The following ZNF737 variants were observed in gnomAD, a reference collection of about 807,000 sequenced individuals.
ZNF737 encodes the protein zinc finger protein 737.
ZNF737 carries 13 observed loss-of-function variants against 11.7 expected under a neutral mutation model. The ratio of observed to expected loss-of-function variants is 1.11; its 90% confidence interval spans 0.73 to 1.77. ZNF737 has a LOEUF of 1.77. ZNF737 is among the 40% of genes most tolerant of loss of function. ZNF737 has a pLI of 0.00. For missense variants in ZNF737, 636 were observed against 638.0 expected (o/e 1.00, Z 0.03); for synonymous variants, 217 against 216.2 (o/e 1.00, Z -0.03).
chr19:20,552,402 G>A (rs1968712368), intron 3 of ZNF737, 73 bp downstream of exon 3: 1 of 1,064,988 alleles, frequency 9.4e-7, no homozygotes. Context: ...CACACTTTAA[G>A]GACTGGCTTT....
chr19:20,539,586 A>G lies in ZNF737; in HGVS notation c.*5006T>C, dbSNP rs2144581810. The G allele has an allele frequency of 1.0e-6, 1 of 978,036 alleles. No homozygotes were observed. The highest frequency in any genetic ancestry group is 4.7e-5 in the South Asian group (1 of 21,106). 60.6% of individuals were successfully genotyped at this position (978,036 alleles called of 1,614,324 possible). ...TCTAAAAGAAACTATCTACATAACT[A>G]ATCATGGATTCAAAAAATATTCATA... is the stretch of plus-strand genomic sequence containing the variant. On this transcript the variant is annotated 3_prime_UTR_variant, in exon 4 of 4. Transcript: ENST00000427401.
intron 1 of ZNF737, among the ~76,000 whole-genome samples, chr19:20,556,580 G>C (rs1185556134): frequency 6.6e-6 from 1 of 152,134 alleles, no homozygotes; most frequent in Non-Finnish European, 1.5e-5. Flanking sequence ...TGCTGATGTT[G>C]CTCCCCATTG....
Position 20,553,690 on chromosome 19 carries a change from G to T in ZNF737, c.130+19C>A, listed in dbSNP as rs782500625. 6.2e-7 allele frequency: 1 copy of T among 1,608,116 alleles called. No homozygotes were observed. The highest frequency in any genetic ancestry group is 8.5e-7 in the Non-Finnish European group (1 of 1,175,602). Reference sequence around the variant, plus strand: ...GTCTTTTGTGTATATTATGAATTATGTATTAAAGTTTTTCTCACCAAGGAA... The same window carrying T: ...GTCTTTTGTGTATATTATGAATTATTTATTAAAGTTTTTCTCACCAAGGAA... On this transcript the variant is annotated intron_variant, in intron 2 of 3. Transcript: ENST00000427401.
At chr19:20,536,971 C>G (rs1347747262), downstream of ZNF737, among the ~76,000 whole-genome samples, 1 of 151,386 alleles carries the variant, frequency 6.6e-6, no homozygotes, top group Non-Finnish European at 1.5e-5. Flanking sequence ...GGCGTGGTGG[C>G]GGGTGCCTGT....
downstream of ZNF737, among the ~76,000 whole-genome samples, chr19:20,533,374 G>A (rs782027931): frequency 6.7e-6 from 1 of 149,524 alleles, no homozygotes; most frequent in African/African-American, 2.5e-5. Context: ...TATTCTGTAT[G>A]AATATATATA....
chr19:20,545,617 T>C lies in ZNF737; in HGVS notation c.586A>G (p.Thr196Ala). 1 of 1,614,056 alleles carries C rather than the reference T, an allele frequency of 6.2e-7. No homozygotes were observed. The change falls in exon 4 of 4, where the codon ACT becomes GCT. Residue 196 changes from threonine to alanine, a missense_variant. By Grantham distance (58) the Thr-to-Ala change is moderately conservative. Coordinates refer to ENST00000427401, the MANE Select transcript of ZNF737 (RefSeq NM_001159293.2). ...STLTTHKKIH[T>A]GEKPFKCEEC... ...TCACATTTGAAGGGTTTCTCCCCAG[T>C]ATGAATTTTCTTATGTGTAGTAAGG...
Position 20,542,610 on chromosome 19 carries a change from A to G in ZNF737, c.*1982T>C. On this transcript the variant is annotated 3_prime_UTR_variant, in exon 4 of 4. Coordinates refer to ENST00000427401, the MANE Select transcript of ZNF737 (RefSeq NM_001159293.2). ...GTAATATACTCATTTATTTTAATAT[A>G]CTTTTAATTATTTCTTTGTGTCACT... is the stretch of plus-strand genomic sequence containing the variant. The G allele has an allele frequency of 2.1e-6, 2 of 971,200 alleles. No homozygotes were observed. The highest frequency in any genetic ancestry group is 2.4e-6 in the Non-Finnish European group (2 of 817,036). The allele number at this position is 971,200 out of a possible 1,614,324, so 60.2% of individuals were successfully genotyped here.
At chr19:20,548,980 A>AAAAAAAAAAAAAAAAAAAC (rs1491170549) in intron 3 of ZNF737, among the ~76,000 whole-genome samples, 1 of 66,500 alleles carries the variant, frequency 1.5e-5, no homozygotes, top group Non-Finnish European at 3.0e-5. Context: ...AAAAAAAAAA[A>AAAAAAAAAAAAAAAAAAAC]CAATTATGTA....
chr19:20,533,158 G>C (rs1568418759), downstream of ZNF737, among the ~76,000 whole-genome samples: 2 of 150,258 alleles, frequency 1.3e-5, 1 homozygote, highest in South Asian at 4.3e-4. Context: ...GCCTTAGTAA[G>C]TATTCATCTT....
At chr19:20,562,905 T>A (rs1969152527) in intron 1 of ZNF737, among the ~76,000 whole-genome samples, 1 of 151,978 alleles carries the variant, frequency 6.6e-6, no homozygotes, top group Non-Finnish European at 1.5e-5. Flanking sequence ...AGACATCCTC[T>A]GATCTAAAAT....
intron 1 of ZNF737, among the ~76,000 whole-genome samples, chr19:20,556,985 C>G (rs1783925073): frequency 1.3e-5 from 2 of 152,288 alleles, no homozygotes; most frequent in South Asian, 4.1e-4. Context: ...TTCTGTTTCT[C>G]TCTCATCAAT....
At chr19:20,555,437 C>T (rs367855014) in intron 1 of ZNF737, among the ~76,000 whole-genome samples, 6 of 152,134 alleles carry the variant, frequency 3.9e-5, no homozygotes, top group African/African-American at 1.4e-4. Context: ...CCGCTTCAGC[C>T]TCCCAAAGTG....
In ZNF737 at chr19:20,544,361, A is replaced by ACATT. The variant is rs781869699; in HGVS notation, c.*230_*231insAATG. 18 of 1,369,222 alleles carry ACATT rather than the reference A, an allele frequency of 1.3e-5. No individual in the cohort carries two copies. The highest frequency in any genetic ancestry group is 1.7e-5 in the Non-Finnish European group (18 of 1,065,194). The allele number at this position is 1,369,222 out of a possible 1,614,324, so 84.8% of individuals were successfully genotyped here. ...CAAACTCACAGGGTTTCTCTCCAGT[A>ACATT]CGAATTATCTTATGTCTAGTAAGGG... On this transcript the variant is annotated 3_prime_UTR_variant, in exon 4 of 4. Coordinates refer to ENST00000427401, the MANE Select transcript of ZNF737 (RefSeq NM_001159293.2).
At position 20,563,083 on chromosome 19, in the gene ZNF737, T is replaced by C. The variant is rs534359189; in HGVS notation, c.3+2555A>G. Among the ~76,000 whole-genome samples the C allele has an allele frequency of 1.0e-4, 15 of 150,516 alleles. No homozygotes were observed. In the East Asian group the frequency reaches 2.9e-3, roughly 30 times the overall value. ...GCAATTTTTTTTGGAATTCATTTTT[T>C]TAACATAAATTAATATTTTTTATTT... On this transcript the variant is annotated intron_variant, in intron 1 of 3. Transcript: ENST00000427401.
intron 3 of ZNF737, 88 bp downstream of exon 3, chr19:20,552,387 C>A: frequency 1.1e-6 from 1 of 919,790 alleles, no homozygotes; most frequent in Non-Finnish European, 1.6e-6. Flanking sequence ...CACAGCTTCC[C>A]AAATCACACT....
Position 20,540,884 on chromosome 19 carries a change from A to AT in ZNF737, c.*3707dup. ...AATAACTATTTTTCTGGCTTAAATTATTTTTTATGCACCATTTATACATTC... is the reference window on the plus strand; with the variant it reads ...AATAACTATTTTTCTGGCTTAAATTATTTTTTTATGCACCATTTATACATTC... On this transcript the variant is annotated 3_prime_UTR_variant, in exon 4 of 4. Coordinates refer to ENST00000427401, the MANE Select transcript of ZNF737 (RefSeq NM_001159293.2). 1.0e-6 allele frequency: 1 copy of AT among 960,720 alleles called. No individual in the cohort carries two copies. The highest frequency in any genetic ancestry group is 4.8e-5 in the South Asian group (1 of 20,722). The allele number at this position is 960,720 out of a possible 1,614,324, so 59.5% of individuals were successfully genotyped here. A position where few individuals can be genotyped will look rare whatever the true frequency, so the allele number is the denominator to read the frequency against.
downstream of ZNF737, among the ~76,000 whole-genome samples, chr19:20,537,081 T>G (rs1178070731): frequency 6.6e-6 from 1 of 152,066 alleles, no homozygotes; most frequent in Admixed American, 6.6e-5. Flanking sequence ...CCAGCCTGGG[T>G]GACATAGCGA....
chr19:20,545,494 C>G lies in ZNF737; in HGVS notation c.709G>C (p.Ala237Pro). 1.9e-6 allele frequency: 3 copies of G among 1,613,362 alleles called. No homozygotes were observed. The highest frequency in any genetic ancestry group is 2.5e-6 in the Non-Finnish European group (3 of 1,179,762). Reference protein sequence around the residue: ...KRYKCEDCGKAFSRFSYLTAH... With the variant: ...KRYKCEDCGKPFSRFSYLTAH... The stretch of plus-strand genomic sequence containing the variant: ...GTAAGGTATGAAAACCGGCTAAAGG[C>G]TTTGCCACAGTCTTCACATTTGTAC... The change falls in exon 4 of 4, where the codon GCC becomes CCC. Residue 237 changes from alanine (A) to proline (P), a missense_variant. Transcript: ENST00000427401.
At chr19:20,536,210 T>A (rs1967959511), downstream of ZNF737, 3 of 556,260 alleles carry the variant, frequency 5.4e-6, no homozygotes, top group Admixed American at 1.9e-4. Flanking sequence ...ATTAATTTTG[T>A]TGATTTCTAT....
Sources: allele counts gnomAD v4.1 joint callset (sites outside exome capture counted in the v4.1 genomes callset), GRCh38; gene constraint gnomAD v4.1.1; transcripts MANE v1.5; gene names NCBI Gene and HGNC (gene_info 2026-07-23, HGNC 2026-07-21).